Variants in ITPR2 observed in about 807,000 individuals in gnomAD.
The protein encoded by ITPR2 is inositol 1,4,5-trisphosphate receptor type 2.
Under a neutral mutation model 317.1 loss-of-function variants are expected in ITPR2, and 207 were observed. The ratio of observed to expected loss-of-function variants is 0.65; its 90% CI spans 0.58 to 0.73. ITPR2 has a LOEUF of 0.73. ITPR2 is among the 30% of genes least tolerant of loss of function. The pLI, the probability that ITPR2 is intolerant of heterozygous loss-of-function variation, is 0.00. For missense variants in ITPR2, 2,613 were observed against 3,284.0 expected (o/e 0.80, Z 4.99); for synonymous variants, 1,156 against 1,149.1 (o/e 1.01, Z -0.12).
intron 55 of ITPR2, among the ~76,000 whole-genome samples, chr12:26,350,385 C>T (rs181376042): frequency 2.6e-5 from 4 of 152,140 alleles, no homozygotes; most frequent in East Asian, 1.9e-4. Context: ...ACTTCTGCAG[C>T]GGGCATCCTG....
intron 55 of ITPR2, among the ~76,000 whole-genome samples, chr12:26,371,092 G>A (rs1939175412): frequency 6.6e-6 from 1 of 152,156 alleles, no homozygotes; most frequent in Admixed American, 6.5e-5. Context: ...CCTCTGGATG[G>A]CCCATTGACA....
chr12:26,660,356 A>G (rs1947469635), intron 15 of ITPR2, among the ~76,000 whole-genome samples: 3 of 152,172 alleles, frequency 2.0e-5, no homozygotes, highest in African/African-American at 7.2e-5. Context: ...CTATATCCCA[A>G]ACCACTATTG....
chr12:26,743,409 T>C (rs1001448195), intron 2 of ITPR2, among the ~76,000 whole-genome samples: 5 of 152,144 alleles, frequency 3.3e-5, no homozygotes, highest in African/African-American at 1.2e-4. Context: ...ATTTAATACA[T>C]TTGAGCTCGC....
chr12:26,715,595 T>TA, intron 7 of ITPR2, 150 bp from the exon 8 acceptor site: 1 of 835,850 alleles, frequency 1.2e-6, no homozygotes, highest in African/African-American at 1.7e-5. Context: ...TTTAAAAATG[T>TA]GGGGGGGAAA....
chr12:26,772,650 C>T (rs1055757240), intron 2 of ITPR2, among the ~76,000 whole-genome samples: 1 of 149,496 alleles, frequency 6.7e-6, no homozygotes, highest in South Asian at 2.1e-4. Context: ...ACTGTAGCAA[C>T]TACTTCATAC....
At chr12:26,812,084 T>C (rs563621143) in intron 1 of ITPR2, among the ~76,000 whole-genome samples, 91 of 128,518 alleles carry the variant, frequency 7.1e-4, no homozygotes, top group Middle Eastern at 6.0e-3. Context: ...AATCACTTCA[T>C]CCCGGGAGGC....
At chr12:26,663,553 T>A in intron 15 of ITPR2, 132 bp downstream of exon 15, 2 of 831,000 alleles carry the variant, frequency 2.4e-6, no homozygotes, top group Non-Finnish European at 3.7e-6. Context: ...TTTTTATGTA[T>A]TGCCCAACAT....
chr12:26,832,835 CCTCT>C lies in ITPR2; in HGVS notation c.-58_-55del, dbSNP rs1951140166. On this transcript the variant is annotated 5_prime_UTR_variant, in exon 1 of 57. Coordinates refer to ENST00000381340, the MANE Select transcript of ITPR2 (RefSeq NM_002223.4). ...CTCTTCTTCCCTGCGCCCTCGCCGC[CCTCT>C]CTCCAGGGAGCCGCCGCGGCAGAAG... 7.0e-7 allele frequency: 1 copy of C among 1,420,488 alleles called. No homozygotes were observed. The highest frequency in any genetic ancestry group is 1.5e-5 in the African/African-American group (1 of 68,736). The allele number at this position is 1,420,488 out of a possible 1,614,324, so 88.0% of individuals were successfully genotyped here.
intron 55 of ITPR2, among the ~76,000 whole-genome samples, chr12:26,369,299 T>G (rs1451338190): frequency 6.6e-6 from 1 of 152,168 alleles, no homozygotes; most frequent in Non-Finnish European, 1.5e-5. Flanking sequence ...TTTTTTCATT[T>G]TTTTCTTTGA....
rs1591990249 is a variant in ITPR2 at position 26,399,060 on chromosome 12, A to T, written c.7531-19T>A. ...AGGGCTCCTGAAATAAAAATATTTAAAAAAATCACACTAGGCATAGTGATT... is the reference window on the plus strand; with the variant it reads ...AGGGCTCCTGAAATAAAAATATTTATAAAAATCACACTAGGCATAGTGATT... On this transcript the variant is annotated intron_variant, in intron 53 of 56. Transcript: ENST00000381340. 1 of 1,543,312 alleles carries T rather than the reference A, an allele frequency of 6.5e-7. No homozygotes were observed. The highest frequency in any genetic ancestry group is 1.4e-5 in the African/African-American group (1 of 71,562).
At chr12:26,509,716 A>G (rs1435344764) in intron 37 of ITPR2, among the ~76,000 whole-genome samples, 1 of 152,170 alleles carries the variant, frequency 6.6e-6, no homozygotes, top group Non-Finnish European at 1.5e-5. Flanking sequence ...TGTTTAGGGC[A>G]CAATAAATCA....
At chr12:26,524,581 C>T (rs1470246862) in intron 37 of ITPR2, among the ~76,000 whole-genome samples, 1 of 152,110 alleles carries the variant, frequency 6.6e-6, no homozygotes, top group African/African-American at 2.4e-5. Flanking sequence ...AATTCCTACA[C>T]ATATTTTGTT....
intron 37 of ITPR2, among the ~76,000 whole-genome samples, chr12:26,510,465 C>T (rs891666935): frequency 9.9e-5 from 15 of 152,218 alleles, no homozygotes; most frequent in Admixed American, 9.8e-4. Context: ...GACCACACAC[C>T]TGTTTACTTA....
At chr12:26,686,975 C>T (rs1948139055) in intron 10 of ITPR2, among the ~76,000 whole-genome samples, 1 of 152,108 alleles carries the variant, frequency 6.6e-6, no homozygotes, top group African/African-American at 2.4e-5. Flanking sequence ...AGAGAAGAGC[C>T]CGTGTGTTGA....
intron 2 of ITPR2, among the ~76,000 whole-genome samples, chr12:26,729,179 A>G (rs2137057763): frequency 1.3e-5 from 2 of 152,316 alleles, no homozygotes; most frequent in Admixed American, 1.3e-4. Context: ...TCAAAAGAAA[A>G]CATACATGCG....
chr12:26,404,322 T>G (rs1940277684), intron 52 of ITPR2, among the ~76,000 whole-genome samples: 1 of 152,150 alleles, frequency 6.6e-6, no homozygotes, highest in Admixed American at 6.5e-5. Context: ...AAGAACTGGT[T>G]GTAGGGTGTT....
intron 47 of ITPR2, among the ~76,000 whole-genome samples, chr12:26,436,940 T>A (rs1941366592): frequency 6.6e-6 from 1 of 152,222 alleles, no homozygotes; most frequent in Non-Finnish European, 1.5e-5. Context: ...CTTGTTGGGT[T>A]TGAAACAGCA....
intron 10 of ITPR2, among the ~76,000 whole-genome samples, chr12:26,687,945 C>A (rs1027174200): frequency 6.6e-6 from 1 of 152,066 alleles, no homozygotes; most frequent in African/African-American, 2.4e-5. Context: ...TGTTTATTGA[C>A]TAGAAAAGGG....
At chr12:26,832,626 G>T in intron 1 of ITPR2, 64 bp downstream of exon 1, 2 of 1,270,024 alleles carry the variant, frequency 1.6e-6, no homozygotes, top group Non-Finnish European at 2.2e-6. Flanking sequence ...CGGCGGAGGA[G>T]GGACAGGGAC....
Sources: allele counts gnomAD v4.1 joint callset (sites outside exome capture counted in the v4.1 genomes callset), GRCh38; gene constraint gnomAD v4.1.1; transcripts MANE v1.5; gene names NCBI Gene and HGNC (gene_info 2026-07-23, HGNC 2026-07-21).